Variants in ICMT observed in about 807,000 individuals in gnomAD.
The protein encoded by ICMT is protein-S-isoprenylcysteine O-methyltransferase.
ICMT carries 10 observed loss-of-function variants against 32.2 expected under a neutral mutation model. The ratio of observed to expected loss-of-function variants is 0.31; its 90% confidence interval spans 0.19 to 0.53. The LOEUF is 0.53. Ranked by LOEUF, ICMT falls within the 20% of genes least tolerant of loss-of-function variation. The pLI, the probability that ICMT is intolerant of heterozygous loss-of-function variation, is 0.96. For missense variants in ICMT, 265 were observed against 356.9 expected, an observed-to-expected ratio of 0.74 and a Z score of 2.07; for synonymous variants, 183 against 158.2, an observed-to-expected ratio of 1.16 and a Z score of -1.18.
At position 6,223,476 on chromosome 1, in the gene ICMT, C is replaced by T. The variant is rs950683239; in HGVS notation, c.*1604G>A. The stretch of plus-strand genomic sequence containing the variant: ...TGGTATATATAACAATGAAAAAATT[C>T]ATTAAGCCATGAAATCTAGAAATAA... On this transcript the variant is annotated 3_prime_UTR_variant, in exon 5 of 5. Transcript: ENST00000343813. 2.7e-5 allele frequency: 4 copies of T among 149,216 alleles called. No individual in the cohort carries two copies. Among genetic ancestry groups the T allele is most frequent in the Non-Finnish European group, 4.5e-5 (3 of 66,256 alleles). 9.2% of individuals were successfully genotyped at this position (149,216 alleles called of 1,614,324 possible). A position where few individuals can be genotyped will look rare whatever the true frequency, so the allele number is the denominator to read the frequency against.
chr1:6,234,100 C>T (rs1668778294), intron 2 of ICMT, among the ~76,000 whole-genome samples: 1 of 152,178 alleles, frequency 6.6e-6, no homozygotes, highest in Non-Finnish European at 1.5e-5. Context: ...TGGTCTTGAA[C>T]TCCTGACCTC....
intron 4 of ICMT, among the ~76,000 whole-genome samples, chr1:6,229,807 CACACACACACACACACAT>C (rs1217376276): frequency 2.1e-5 from 3 of 140,236 alleles, no homozygotes; most frequent in Admixed American, 7.0e-5. Flanking sequence ...CACACACACA[CACACACACACACACACAT>C]AGAGCAGGTG....
intron 4 of ICMT, 52 bp from the exon 5 acceptor site, chr1:6,225,314 G>C: frequency 6.5e-7 from 1 of 1,547,532 alleles, no homozygotes. Flanking sequence ...ATGACGCCCT[G>C]TGCTTTGGTA....
At chr1:6,228,489 C>G (rs571168575) in intron 4 of ICMT, among the ~76,000 whole-genome samples, 2 of 151,992 alleles carry the variant, frequency 1.3e-5, no homozygotes, top group African/African-American at 4.8e-5. Context: ...ACTACAGATG[C>G]GTGCCACCAC....
chr1:6,226,952 C>T (rs1668653521), intron 4 of ICMT, among the ~76,000 whole-genome samples: 1 of 152,188 alleles, frequency 6.6e-6, no homozygotes, highest in African/African-American at 2.4e-5. Context: ...TCAGTGACTC[C>T]GGGGCCTGTA....
At chr1:6,227,740 C>T (rs922900859) in intron 4 of ICMT, among the ~76,000 whole-genome samples, 1 of 152,112 alleles carries the variant, frequency 6.6e-6, no homozygotes, top group Admixed American at 6.6e-5. Context: ...CCTGTAGTCC[C>T]AGCTACTCAG....
In ICMT at chr1:6,234,713, T is replaced by C. The variant is rs181568328; in HGVS notation, c.284+173A>G. On this transcript the variant is annotated intron_variant, in intron 2 of 4. Transcript: ENST00000343813. ...TCACAATCAACCCACAGGCACGAAA[T>C]CACAAGGGCTGAAATGTGAGCAACT... is the stretch of plus-strand genomic sequence containing the variant. Among the ~76,000 whole-genome samples the C allele has an allele frequency of 2.1e-4, 31 of 150,780 alleles. 1 individual carries two copies. Among genetic ancestry groups the C allele is most frequent in the Admixed American group, 1.6e-3 (25 of 15,154 alleles).
chr1:6,232,859 CTCT>C (rs1163487529), intron 3 of ICMT, among the ~76,000 whole-genome samples: 3 of 145,484 alleles, frequency 2.1e-5, no homozygotes, highest in African/African-American at 5.1e-5. Flanking sequence ...TGTTAGTAAA[CTCT>C]TTTTTTTTTT....
In ICMT at chr1:6,235,929, T is replaced by C. The variant is rs2100971711; in HGVS notation, c.-18A>G. 1 of 1,047,124 alleles carries C rather than the reference T, an allele frequency of 9.5e-7. No homozygotes were observed. The highest frequency in any genetic ancestry group is 4.6e-5 in the South Asian group (1 of 21,782). 64.9% of individuals were successfully genotyped at this position (1,047,124 alleles called of 1,614,324 possible). A position where few individuals can be genotyped will look rare whatever the true frequency, so the allele number is the denominator to read the frequency against. On this transcript the variant is annotated 5_prime_UTR_variant, in exon 1 of 5. Transcript: ENST00000343813. ...CCCGCCATGGCGCCGGGCGGCGGAC[T>C]AGCGGGCGGCGGCGCCGGCTGTAGC...
At position 6,223,821 on chromosome 1, in the gene ICMT, ACTT is replaced by A. The variant is rs1031508490; in HGVS notation, c.*1256_*1258del. The A allele has an allele frequency of 7.2e-5, 11 of 152,120 alleles. No homozygotes were observed. Among genetic ancestry groups the A allele is most frequent in the African/African-American group, 2.2e-4 (9 of 41,414 alleles). The allele number at this position is 152,120 out of a possible 1,614,324, so 9.4% of individuals were successfully genotyped here. A position where few individuals can be genotyped will look rare whatever the true frequency, so the allele number is the denominator to read the frequency against. ...GCGCCGACGCCGCCTTCACATTCAC[ACTT>A]CTTCAGTGCCACCGCAACACTGCAT... is the stretch of plus-strand genomic sequence containing the variant. On this transcript the variant is annotated 3_prime_UTR_variant, in exon 5 of 5. Coordinates refer to ENST00000343813, the MANE Select transcript of ICMT (RefSeq NM_012405.4).
intron 4 of ICMT, among the ~76,000 whole-genome samples, chr1:6,226,928 C>G (rs998411408): frequency 1.3e-5 from 2 of 152,170 alleles, no homozygotes; most frequent in Middle Eastern, 3.2e-3. Flanking sequence ...ATGTCAGAAT[C>G]AGGACTGGCC....
chr1:6,234,394 A>C (rs1668783715), intron 2 of ICMT: 1 of 436,490 alleles, frequency 2.3e-6, no homozygotes, highest in Non-Finnish European at 4.5e-6. Context: ...AGAGGAGATA[A>C]AACTTTTTAC....
chr1:6,228,996 G>A (rs1668688210), intron 4 of ICMT, among the ~76,000 whole-genome samples: 1 of 148,964 alleles, frequency 6.7e-6, no homozygotes, highest in Admixed American at 6.8e-5. Flanking sequence ...TCGCACCACT[G>A]CACTCCAGCC....
chr1:6,233,450 G>A (rs775874183), intron 3 of ICMT, 24 bp downstream of exon 3: 1 of 1,604,972 alleles, frequency 6.2e-7, no homozygotes, highest in Non-Finnish European at 8.5e-7. Context: ...TTCCCCTCCA[G>A]AGGGGGACAT....
At position 6,228,873 on chromosome 1, in the gene ICMT, A is replaced by G. The variant is rs547217782; in HGVS notation, c.672+3029T>C. 4.6e-5 allele frequency among the ~76,000 whole-genome samples: 7 copies of G among 151,962 alleles called. No homozygotes were observed. In the East Asian group the frequency reaches 1.4e-3, roughly 30 times the overall value. ...GAAACCCCTACTAAACCTACTAAAA[A>G]TACAAAAAATTAGCTGGGCGAGGTA... On this transcript the variant is annotated intron_variant, in intron 4 of 4. Transcript: ENST00000343813.
chr1:6,231,820 C>G (rs1668741576), intron 4 of ICMT, 82 bp downstream of exon 4: 1 of 899,294 alleles, frequency 1.1e-6, no homozygotes, highest in Non-Finnish European at 1.7e-6. Flanking sequence ...GAAATGGTGA[C>G]TTTTATGCTA....
chr1:6,226,969 C>T (rs1668654057), intron 4 of ICMT, among the ~76,000 whole-genome samples: 1 of 152,234 alleles, frequency 6.6e-6, no homozygotes, highest in African/African-American at 2.4e-5. Flanking sequence ...TGTACCCTCA[C>T]ATCTGGCATA....
intron 2 of ICMT, 41 bp downstream of exon 2, chr1:6,234,845 C>G: frequency 7.1e-7 from 1 of 1,417,346 alleles, no homozygotes; most frequent in Non-Finnish European, 1.0e-6. Context: ...CTGATCTGTC[C>G]ACCCTCGCCT....
In ICMT at chr1:6,223,660, C is replaced by G. The variant is rs886233027; in HGVS notation, c.*1420G>C. On this transcript the variant is annotated 3_prime_UTR_variant, in exon 5 of 5. Coordinates refer to ENST00000343813, the MANE Select transcript of ICMT (RefSeq NM_012405.4). ...AGTATTAAAAACATTTGACATTGTT[C>G]TTCTCAGTCCTCACAACACCCCTGT... 3 of 152,228 alleles carry G rather than the reference C, an allele frequency of 2.0e-5. No homozygotes were observed. Among genetic ancestry groups the G allele is most frequent in the African/African-American group, 7.2e-5 (3 of 41,454 alleles). The allele number at this position is 152,228 out of a possible 1,614,324, so 9.4% of individuals were successfully genotyped here.
Sources: gnomAD v4.1 joint callset for allele counts (sites outside exome capture counted in the v4.1 genomes callset) on GRCh38, gnomAD v4.1.1 for gene constraint, MANE v1.5 for transcripts, NCBI Gene and HGNC (gene_info 2026-07-23, HGNC 2026-07-21) for gene names.